The following ADCYAP1R1 variants were observed in gnomAD, a reference collection of about 807,000 sequenced individuals.
ADCYAP1R1 encodes the protein ADCYAP receptor type I, also known as pituitary adenylate cyclase-activating polypeptide type I receptor.
In ADCYAP1R1, 44 loss-of-function variants were observed where a neutral mutation model predicts 67.6. The ratio of observed to expected loss-of-function variants is 0.65; its 90% CI spans 0.51 to 0.84. ADCYAP1R1 has a LOEUF of 0.84. ADCYAP1R1 is among the 40% of genes least tolerant of loss of function. ADCYAP1R1 has a pLI of 0.00. For missense variants in ADCYAP1R1, 477 were observed against 587.9 expected (o/e 0.81, Z 1.95); for synonymous variants, 222 against 219.6 (o/e 1.01, Z -0.10).
intron 9 of ADCYAP1R1, 100 bp downstream of exon 9, chr7:31,085,542 A>T: frequency 7.3e-7 from 1 of 1,363,078 alleles, no homozygotes; most frequent in Non-Finnish European, 9.9e-7. Flanking sequence ...CACCCTGCAG[A>T]TCAAGTGTGT....
At chr7:31,087,503 G>A in intron 11 of ADCYAP1R1, 124 bp from the exon 12 acceptor site, 1 of 812,612 alleles carries the variant, frequency 1.2e-6, no homozygotes, top group East Asian at 2.5e-5. Flanking sequence ...GTTCCAGCCA[G>A]CCCCTCCTCA....
At chr7:31,063,027 G>A (rs1255808201) in intron 1 of ADCYAP1R1, among the ~76,000 whole-genome samples, 167 bp from the exon 2 acceptor site, 1 of 152,228 alleles carries the variant, frequency 6.6e-6, no homozygotes, top group Non-Finnish European at 1.5e-5. Flanking sequence ...GCACATGTTT[G>A]CAGGGCAGAA....
intron 13 of ADCYAP1R1, among the ~76,000 whole-genome samples, chr7:31,096,976 G>A (rs1490364289): frequency 3.3e-5 from 5 of 152,220 alleles, no homozygotes; most frequent in Admixed American, 6.5e-5. Context: ...CAGGGCTGTA[G>A]CCCAACCAAC....
In ADCYAP1R1 at chr7:31,104,880, G is replaced by T; in HGVS notation, c.1189G>T (p.Ala397Ser). ...GLGSFQGFVV[A>S]VLYCFLNGEV... ...TCTCTATTCCCAGGGCTTTGTGGTGGCTGTTCTCTACTGTTTTCTGAATGG... is the reference window on the plus strand; with the variant it reads ...TCTCTATTCCCAGGGCTTTGTGGTGTCTGTTCTCTACTGTTTTCTGAATGG... Residue 397 changes from alanine (A) to serine (S), a missense_variant, in exon 15 of 16, where the codon GCT becomes TCT. Ala to Ser is a moderately conservative substitution (Grantham distance 99, BLOSUM62 1). Transcript: ENST00000304166. The T allele has an allele frequency of 6.2e-7, 1 of 1,614,200 alleles. No individual in the cohort carries two copies. Among genetic ancestry groups the T allele is most frequent in the Non-Finnish European group, 8.5e-7 (1 of 1,180,028 alleles).
chr7:31,102,060 A>T lies in ADCYAP1R1; in HGVS notation c.1047-1177A>T, dbSNP rs185388901. Among the ~76,000 whole-genome samples the T allele has an allele frequency of 6.0e-4, 91 of 152,286 alleles. No homozygotes were observed. Among genetic ancestry groups the T allele is most frequent in the Middle Eastern group, 3.4e-3 (1 of 294 alleles). On this transcript the variant is annotated intron_variant, in intron 13 of 15. Coordinates refer to ENST00000304166, the MANE Select transcript of ADCYAP1R1 (RefSeq NM_001118.5). The surrounding 1 kb of genome is among the most constrained non-coding windows in gnomAD (Gnocchi z 4.3). ...TAAGCTAGGAAGTCAAGGGCCTCAC[A>T]CAGACTCCAAGAGTTCAGCTTCTCT... is the stretch of plus-strand genomic sequence containing the variant.
At chr7:31,091,426 A>C (rs1287041352) in intron 12 of ADCYAP1R1, among the ~76,000 whole-genome samples, 1 of 152,136 alleles carries the variant, frequency 6.6e-6, no homozygotes, top group Non-Finnish European at 1.5e-5. Flanking sequence ...ATTAGGTCCC[A>C]CTTGTCAATT....
chr7:31,078,580 C>T (rs1795379179), intron 4 of ADCYAP1R1, among the ~76,000 whole-genome samples: 1 of 152,242 alleles, frequency 6.6e-6, no homozygotes, highest in African/African-American at 2.4e-5. Flanking sequence ...CACATGTAGA[C>T]ACCCCCCTCA....
chr7:31,060,724 GAA>G (rs1427341700), intron 1 of ADCYAP1R1, among the ~76,000 whole-genome samples: 1 of 152,114 alleles, frequency 6.6e-6, no homozygotes. Context: ...GAAAGAGAGA[GAA>G]ACAGAATCAG....
At chr7:31,087,577 A>G in intron 11 of ADCYAP1R1, 50 bp from the exon 12 acceptor site, 4 of 1,570,872 alleles carry the variant, frequency 2.5e-6, no homozygotes, top group Non-Finnish European at 3.5e-6. Context: ...GCAGGCTTCT[A>G]TGCTGCCGAC....
rs745856523 is a variant in ADCYAP1R1 at position 31,085,327 on chromosome 7, G to A, written c.554G>A (p.Arg185His). 1.7e-5 allele frequency: 27 copies of A among 1,613,838 alleles called. 1 individual carries two copies. Among genetic ancestry groups the A allele is most frequent in the South Asian group, 4.4e-5 (4 of 91,052 alleles). The change falls in exon 9 of 16, where the codon CGC becomes CAC. Residue 185 changes from arginine (R) to histidine (H), a missense_variant. Coordinates refer to ENST00000304166, the MANE Select transcript of ADCYAP1R1 (RefSeq NM_001118.5). ...TCATGTAGGAAGCTGCACTGCACAC[G>A]CAACTTCATCCACATGAACCTGTTT... ...LCRFRKLHCT[R>H]NFIHMNLFVS...
At chr7:31,060,682 T>C (rs1319702166) in intron 1 of ADCYAP1R1, among the ~76,000 whole-genome samples, 1 of 152,026 alleles carries the variant, frequency 6.6e-6, no homozygotes, top group Non-Finnish European at 1.5e-5. Flanking sequence ...TTCTGTGTAT[T>C]TGTGTGTGTT....
intron 13 of ADCYAP1R1, chr7:31,100,035 T>A: frequency 7.8e-7 from 1 of 1,279,060 alleles, no homozygotes; most frequent in Non-Finnish European, 1.1e-6. Flanking sequence ...CCTGTCTCCA[T>A]ACCCTCCTCT....
chr7:31,104,301 C>T (rs1319335463), intron 14 of ADCYAP1R1, among the ~76,000 whole-genome samples: 1 of 152,214 alleles, frequency 6.6e-6, no homozygotes, highest in East Asian at 1.9e-4. Flanking sequence ...AACTAATTTG[C>T]AGCATTCAAG....
Position 31,061,165 on chromosome 7 carries a change from G to A in ADCYAP1R1, c.-71-2029G>A, listed in dbSNP as rs565044155. Among the ~76,000 whole-genome samples, 378 of 152,348 alleles carry A rather than the reference G, an allele frequency of 2.5e-3. 1 individual carries two copies. Among genetic ancestry groups the A allele is most frequent in the Admixed American group, 4.8e-3 (73 of 15,310 alleles). On this transcript the variant is annotated intron_variant, in intron 1 of 15. Transcript: ENST00000304166. Reference sequence around the variant, plus strand: ...GTTTTCACCTTTTTGGCCTGAGGTCGCGGAAGGTGCAGGGAATCGACGCCT... The same window carrying A: ...GTTTTCACCTTTTTGGCCTGAGGTCACGGAAGGTGCAGGGAATCGACGCCT...
At chr7:31,084,435 G>T (rs1159380642) in intron 7 of ADCYAP1R1, among the ~76,000 whole-genome samples, 185 bp downstream of exon 7, 1 of 152,198 alleles carries the variant, frequency 6.6e-6, no homozygotes, top group Non-Finnish European at 1.5e-5. Flanking sequence ...TTAATGCCAG[G>T]CCCAGCAAGG....
At chr7:31,087,991 G>C (rs998543598) in intron 12 of ADCYAP1R1, among the ~76,000 whole-genome samples, 1 of 152,204 alleles carries the variant, frequency 6.6e-6, no homozygotes, top group African/African-American at 2.4e-5. Flanking sequence ...TGGGTTGAAA[G>C]GGGTACACAT....
intron 3 of ADCYAP1R1, 44 bp downstream of exon 3, chr7:31,064,980 T>G (rs1192475701): frequency 2.7e-6 from 4 of 1,459,668 alleles, no homozygotes; most frequent in Non-Finnish European, 3.8e-6. Context: ...CAGTGCCAGC[T>G]TTTAGAACTG....
chr7:31,101,035 C>T lies in ADCYAP1R1; in HGVS notation c.1047-2202C>T, dbSNP rs543160666. ...CACATCATATGTTTCTGTTGCAAGA[C>T]GTCAGTTAGCTTAGAAGCACAGTCC... On this transcript the variant is annotated intron_variant, in intron 13 of 15. Transcript: ENST00000304166. 9.2e-5 allele frequency among the ~76,000 whole-genome samples: 14 copies of T among 152,310 alleles called. No individual in the cohort carries two copies. In the South Asian group the frequency reaches 1.2e-3, roughly 14 times the overall value.
At chr7:31,103,172 C>T in intron 13 of ADCYAP1R1, 65 bp from the exon 14 acceptor site, 1 of 1,583,202 alleles carries the variant, frequency 6.3e-7, no homozygotes, top group Non-Finnish European at 8.6e-7. Flanking sequence ...AGTTCTCTGC[C>T]CTCCGTGGCT....
Sources: gnomAD v4.1 joint callset for allele counts (sites outside exome capture counted in the v4.1 genomes callset) on GRCh38, gnomAD v4.1.1 for gene constraint, Gnocchi (gnomAD v3.1) non-coding constraint, MANE v1.5 for transcripts, NCBI Gene and HGNC (gene_info 2026-07-23, HGNC 2026-07-21) for gene names.